Variants in MBOAT1 observed in about 807,000 individuals in gnomAD.
The protein encoded by MBOAT1 is membrane-bound glycerophospholipid O-acyltransferase 1.
In MBOAT1, 67 loss-of-function variants were observed where a neutral mutation model predicts 64.4. The observed-to-expected ratio is 1.04, with a 90% CI of 0.85 to 1.27. MBOAT1 has a LOEUF of 1.27. Among genes scored for constraint, MBOAT1 ranks in the 50% most tolerant of loss-of-function variants. The pLI is 0.00. For synonymous variants in MBOAT1, 229 were observed against 218.9 expected, an observed-to-expected ratio of 1.05 and a Z score of -0.41; for missense variants, 563 against 604.6, an observed-to-expected ratio of 0.93 and a Z score of 0.72.
intron 1 of MBOAT1, among the ~76,000 whole-genome samples, chr6:20,195,603 GC>G (rs1561784646): frequency 6.3e-5 from 6 of 95,348 alleles, no homozygotes; most frequent in African/African-American, 1.6e-4. Flanking sequence ...AAAATAAATT[GC>G]CTGTGTGTGT....
intron 1 of MBOAT1, among the ~76,000 whole-genome samples, chr6:20,201,338 G>A (rs1763118957): frequency 7.0e-6 from 1 of 142,316 alleles, no homozygotes; most frequent in Non-Finnish European, 1.5e-5. Context: ...TTGAAAGGAA[G>A]AAAGGAAGAA....
chr6:20,183,652 C>T (rs1395941808), intron 1 of MBOAT1, among the ~76,000 whole-genome samples: 3 of 152,232 alleles, frequency 2.0e-5, no homozygotes, highest in Non-Finnish European at 4.4e-5. Context: ...GATTACTTAG[C>T]AAAGCTAAGA....
chr6:20,125,036 C>T (rs143618334), intron 7 of MBOAT1, among the ~76,000 whole-genome samples: 326 of 152,248 alleles, frequency 2.1e-3, no homozygotes, highest in African/African-American at 7.4e-3. Context: ...GGCTCAGGTA[C>T]GAAGGATTCT....
chr6:20,113,848 AT>A (rs1760245308), intron 10 of MBOAT1, among the ~76,000 whole-genome samples: 1 of 151,262 alleles, frequency 6.6e-6, no homozygotes, highest in South Asian at 2.1e-4. Flanking sequence ...TAATAAAAAA[AT>A]AAAAAATAAA....
chr6:20,103,669 C>T (rs565877920), intron 12 of MBOAT1, among the ~76,000 whole-genome samples: 3 of 152,256 alleles, frequency 2.0e-5, no homozygotes, highest in South Asian at 2.1e-4. Context: ...TCAGGTGATG[C>T]ACCCACCTCA....
intron 1 of MBOAT1, among the ~76,000 whole-genome samples, chr6:20,193,970 A>T (rs1420528769): frequency 1.3e-5 from 2 of 152,234 alleles, no homozygotes; most frequent in East Asian, 1.9e-4. Flanking sequence ...AGCTAAATTT[A>T]AAAAATAAAT....
intron 1 of MBOAT1, among the ~76,000 whole-genome samples, chr6:20,191,062 A>C (rs1453208975): frequency 6.6e-6 from 1 of 152,252 alleles, no homozygotes; most frequent in Non-Finnish European, 1.5e-5. Context: ...TGTGGTTTGA[A>C]TATGTCCCTC....
intron 9 of MBOAT1, among the ~76,000 whole-genome samples, chr6:20,118,036 T>C (rs79587077): frequency 6.6e-6 from 1 of 152,156 alleles, no homozygotes; most frequent in Non-Finnish European, 1.5e-5. Flanking sequence ...AGGAACCACA[T>C]AGAACGTTTG....
chr6:20,151,584 TG>T (rs1459468106), intron 2 of MBOAT1, among the ~76,000 whole-genome samples: 6 of 152,244 alleles, frequency 3.9e-5, no homozygotes, highest in Admixed American at 3.3e-4. Context: ...TTTTTTAAAC[TG>T]GGCTTCCCAA....
intron 10 of MBOAT1, among the ~76,000 whole-genome samples, chr6:20,113,746 G>T (rs1002832875): frequency 1.3e-5 from 2 of 151,082 alleles, no homozygotes; most frequent in African/African-American, 4.9e-5. Flanking sequence ...AATTGCCAAC[G>T]GCACTCTAAG....
In MBOAT1 at chr6:20,109,752, G is replaced by T; in HGVS notation, c.1210-3C>A. The T allele has an allele frequency of 6.2e-7, 1 of 1,612,536 alleles. No homozygotes were observed. Among genetic ancestry groups the T allele is most frequent in the East Asian group, 2.2e-5 (1 of 44,832 alleles). On this transcript the variant is annotated splice_polypyrimidine_tract_variant and splice_region_variant and intron_variant, in intron 11 of 12. Coordinates refer to ENST00000324607, the MANE Select transcript of MBOAT1 (RefSeq NM_001080480.3). ...TAATGTCTGTAGTTGTTCCTGACCT[G>T]CAGGCCAACACAGGCAACAGTAGTG...
intron 1 of MBOAT1, among the ~76,000 whole-genome samples, chr6:20,203,250 T>C (rs1763171610): frequency 6.6e-6 from 1 of 151,760 alleles, no homozygotes; most frequent in East Asian, 1.9e-4. Context: ...TTTAGACTGC[T>C]AAAGGAAATT....
At chr6:20,145,640 C>G (rs915475906) in intron 3 of MBOAT1, among the ~76,000 whole-genome samples, 2 of 152,228 alleles carry the variant, frequency 1.3e-5, no homozygotes, top group African/African-American at 2.4e-5. Flanking sequence ...TAAGCTCTAC[C>G]TCGCCTTCCT....
At chr6:20,160,350 TATTAAC>T (rs1292400764) in intron 1 of MBOAT1, among the ~76,000 whole-genome samples, 1 of 152,100 alleles carries the variant, frequency 6.6e-6, no homozygotes, top group Non-Finnish European at 1.5e-5. Flanking sequence ...AAATAGCAAA[TATTAAC>T]GGTCCAAAAG....
At chr6:20,155,206 GCA>G (rs1761641696) in intron 1 of MBOAT1, among the ~76,000 whole-genome samples, 1 of 152,192 alleles carries the variant, frequency 6.6e-6, no homozygotes, top group South Asian at 2.1e-4. Context: ...TGTTAGAAAT[GCA>G]CACTCTTGGG....
chr6:20,102,618 C>T lies in MBOAT1; in HGVS notation c.1362-206G>A, dbSNP rs557759977. On this transcript the variant is annotated intron_variant, in intron 12 of 12. Coordinates refer to ENST00000324607, the MANE Select transcript of MBOAT1 (RefSeq NM_001080480.3). ...TCACAGATAGACTGAAACCACAAAA[C>T]TGGGCAGGGCAAACCAACTGGCTCA... Among the ~76,000 whole-genome samples, 4 of 152,260 alleles carry T rather than the reference C, an allele frequency of 2.6e-5. No homozygotes were observed. In the South Asian group the frequency reaches 8.3e-4, roughly 32 times the overall value.
chr6:20,194,287 C>G (rs932178088), intron 1 of MBOAT1, among the ~76,000 whole-genome samples: 9 of 152,124 alleles, frequency 5.9e-5, no homozygotes, highest in African/African-American at 2.2e-4. Flanking sequence ...GTTAATGCAC[C>G]GATGGTGATA....
chr6:20,109,902 CTTTTTTTTTTTTT>C lies in MBOAT1; in HGVS notation c.1210-166_1210-154del, dbSNP rs1158455991. On this transcript the variant is annotated intron_variant, in intron 11 of 12. Transcript: ENST00000324607. ...TTTTCGACTACAAATACCATCAGGACTTTTTTTTTTTTTTTTTTTTTTTTTGAGATGGAGTCTC... is the reference window on the plus strand; with the variant it reads ...TTTTCGACTACAAATACCATCAGGACTTTTTTTTTTTTGAGATGGAGTCTC... 2.6e-3 allele frequency among the ~76,000 whole-genome samples: 248 copies of C among 94,164 alleles called. 1 individual carries two copies. Among genetic ancestry groups the C allele is most frequent in the South Asian group, 4.3e-3 (13 of 2,998 alleles). The allele number at this position is 94,164 out of a possible 152,430, so 61.8% of individuals were successfully genotyped here.
rs866071625 is a variant in MBOAT1 at position 20,187,992 on chromosome 6, A to G, written c.99+24144T>C. On this transcript the variant is annotated intron_variant, in intron 1 of 12. Coordinates refer to ENST00000324607, the MANE Select transcript of MBOAT1 (RefSeq NM_001080480.3). Reference sequence around the variant, plus strand: ...AGAGCAAGACCTTGTCTCAAAAAAAAAGAGAGAGAAGAACTGTAAGAGAGC... The same window carrying G: ...AGAGCAAGACCTTGTCTCAAAAAAAGAGAGAGAGAAGAACTGTAAGAGAGC... Among the ~76,000 whole-genome samples, 6 of 152,318 alleles carry G rather than the reference A, an allele frequency of 3.9e-5. No homozygotes were observed. In the East Asian group the frequency reaches 5.8e-4, roughly 15 times the overall value.
Sources: allele counts gnomAD v4.1 joint callset (sites outside exome capture counted in the v4.1 genomes callset), GRCh38; gene constraint gnomAD v4.1.1; transcripts MANE v1.5; gene names NCBI Gene and HGNC (gene_info 2026-07-23, HGNC 2026-07-21).